Variants in REV3L observed in about 807,000 individuals in gnomAD.
REV3L encodes the protein DNA polymerase zeta catalytic subunit.
In REV3L, 69 loss-of-function variants were observed where a neutral mutation model predicts 299.4. That is an observed-to-expected ratio of 0.23 (90% CI 0.19 to 0.28). The LOEUF (loss-of-function observed/expected upper bound fraction) is 0.28. Among genes scored for constraint, REV3L ranks in the 10% least tolerant of loss-of-function variants. REV3L has a pLI of 1.00. For synonymous variants in REV3L, 1,238 were observed against 1,271.4 expected, an observed-to-expected ratio of 0.97 and a Z score of 0.56; for missense variants, 3,128 against 3,693.8, an observed-to-expected ratio of 0.85 and a Z score of 3.97.
chr6:111,311,043 T>C (rs1172676554), intron 29 of REV3L, 26 bp downstream of exon 29: 1 of 1,577,952 alleles, frequency 6.3e-7, no homozygotes, highest in Non-Finnish European at 8.6e-7. Flanking sequence ...AGGACTATCC[T>C]GGCAAGGTAC....
At chr6:111,435,505 G>T (rs1787447131) in intron 1 of REV3L, among the ~76,000 whole-genome samples, 1 of 152,034 alleles carries the variant, frequency 6.6e-6, no homozygotes, top group African/African-American at 2.4e-5. Context: ...TATAAATCCA[G>T]ACATTAACAG....
chr6:111,374,928 C>A lies in REV3L; in HGVS notation c.3427G>T (p.Ala1143Ser), dbSNP rs545698980. ...TTAAAAAGCATTGCCTCTTTTTCTGCAGCAGCCATGATTTCTTCAGCTCTT... is the reference window on the plus strand; with the variant it reads ...TTAAAAAGCATTGCCTCTTTTTCTGAAGCAGCCATGATTTCTTCAGCTCTT... Reference protein sequence around the residue: ...DPRAEEIMAAAEKEAMLFKGP... With the variant: ...DPRAEEIMAASEKEAMLFKGP... Residue 1143 changes from alanine to serine, a missense_variant, in exon 13 of 32, where the codon GCA (alanine) becomes TCA (serine). Physicochemically the swap from Ala to Ser is moderately conservative, Grantham distance 99. Coordinates refer to ENST00000368802, the MANE Select transcript of REV3L (RefSeq NM_001372078.1). The A allele has an allele frequency of 6.2e-7, 1 of 1,612,568 alleles. No homozygotes were observed. The highest frequency in any genetic ancestry group is 1.7e-5 in the Admixed American group (1 of 59,690).
chr6:111,462,957 G>A (rs1001698924), intron 1 of REV3L, among the ~76,000 whole-genome samples: 3 of 151,750 alleles, frequency 2.0e-5, no homozygotes, highest in East Asian at 1.9e-4. Context: ...ATTGCAATTC[G>A]GGGGCTAGTA....
intron 1 of REV3L, among the ~76,000 whole-genome samples, chr6:111,451,639 A>T (rs2128317084): frequency 6.6e-6 from 1 of 152,228 alleles, no homozygotes; most frequent in South Asian, 2.1e-4. Flanking sequence ...ACCGAAGGGA[A>T]TTTTTATAAA....
chr6:111,451,520 T>C (rs1350763449), intron 1 of REV3L, among the ~76,000 whole-genome samples: 3 of 152,108 alleles, frequency 2.0e-5, no homozygotes, highest in African/African-American at 7.2e-5. Flanking sequence ...CCTGGGCAGA[T>C]ACCAACTATA....
At chr6:111,332,793 T>A (rs1490572832) in intron 23 of REV3L, among the ~76,000 whole-genome samples, 1 of 152,234 alleles carries the variant, frequency 6.6e-6, no homozygotes, top group Non-Finnish European at 1.5e-5. Flanking sequence ...AAGATCATAA[T>A]CCTCAAACTG....
chr6:111,362,298 T>G (rs1337375624), intron 16 of REV3L, among the ~76,000 whole-genome samples: 3 of 152,156 alleles, frequency 2.0e-5, no homozygotes, highest in Admixed American at 6.5e-5. Flanking sequence ...AATTCTCAGT[T>G]CAAATGTGAA....
At chr6:111,467,630 C>T (rs1335589969) in intron 1 of REV3L, among the ~76,000 whole-genome samples, 1 of 152,134 alleles carries the variant, frequency 6.6e-6, no homozygotes, top group South Asian at 2.1e-4. Context: ...GTTATTACTA[C>T]CTTAAATAAT....
intron 31 of REV3L, among the ~76,000 whole-genome samples, chr6:111,302,860 C>G (rs1234999629): frequency 6.6e-6 from 1 of 152,140 alleles, no homozygotes; most frequent in African/African-American, 2.4e-5. Context: ...CAAGATTGCA[C>G]CAACTACACT....
chr6:111,437,311 T>C (rs752979766), intron 1 of REV3L, among the ~76,000 whole-genome samples: 1 of 152,132 alleles, frequency 6.6e-6, no homozygotes, highest in Non-Finnish European at 1.5e-5. Flanking sequence ...GCATTATTCA[T>C]AATGGTCAAA....
chr6:111,432,445 AAAAGAAAC>A (rs1325393579), intron 1 of REV3L, among the ~76,000 whole-genome samples: 4 of 152,236 alleles, frequency 2.6e-5, no homozygotes, highest in African/African-American at 9.6e-5. Context: ...CAAGACTGTA[AAAAGAAAC>A]AAAGAGGGTC....
intron 1 of REV3L, among the ~76,000 whole-genome samples, chr6:111,456,101 ATACTC>A (rs1338769933): frequency 2.0e-5 from 3 of 152,196 alleles, no homozygotes; most frequent in African/African-American, 7.2e-5. Context: ...TTTGTGTAGT[ATACTC>A]TATGATGTTC....
intron 11 of REV3L, among the ~76,000 whole-genome samples, 196 bp downstream of exon 11, chr6:111,379,786 A>G (rs1780644320): frequency 6.6e-6 from 1 of 152,218 alleles, no homozygotes; most frequent in African/African-American, 2.4e-5. Context: ...TAATCTTTTA[A>G]AATGTAGCAA....
At chr6:111,341,759 G>T (rs575348647) in intron 21 of REV3L, among the ~76,000 whole-genome samples, 1 of 151,752 alleles carries the variant, frequency 6.6e-6, no homozygotes, top group Non-Finnish European at 1.5e-5. Flanking sequence ...CAGGAGTTGG[G>T]GGGGGTCAGA....
chr6:111,436,067 TA>T (rs1192057300), intron 1 of REV3L, among the ~76,000 whole-genome samples: 1 of 152,204 alleles, frequency 6.6e-6, no homozygotes, highest in Admixed American at 6.5e-5. Flanking sequence ...TCAACATCAC[TA>T]ACCATCAGAG....
Position 111,431,244 on chromosome 6 carries a change from G to T in REV3L, c.140-14772C>A, listed in dbSNP as rs1582967033. On this transcript the variant is annotated intron_variant, in intron 1 of 31. Transcript: ENST00000368802. ...TTTTAACAAAAGGAGGGCATTCCAG[G>T]ACCCTACAAGAGATTTAGATGTCAC... 2.6e-6 allele frequency: 4 copies of T among 1,534,984 alleles called. No homozygotes were observed. In the African/African-American group the frequency reaches 4.1e-5, roughly 16 times the overall value.
At chr6:111,411,013 G>GA (rs1784185430) in intron 3 of REV3L, among the ~76,000 whole-genome samples, 1 of 151,882 alleles carries the variant, frequency 6.6e-6, no homozygotes, top group Non-Finnish European at 1.5e-5. Context: ...ACTGAGGGAA[G>GA]AAAAAACAAC....
In REV3L at chr6:111,387,795, C is replaced by T; in HGVS notation, c.1066G>A (p.Glu356Lys). The change falls in exon 9 of 32, where the codon GAA becomes AAA. Residue 356 changes from glutamate to lysine, a missense_variant. By Grantham distance (56) the Glu-to-Lys change is moderately conservative. Around this residue, in one of 9 missense-constraint regions of REV3L, gnomAD observed 2,409 missense variants for 2,611.8 expected, o/e 0.92. Coordinates refer to ENST00000368802, the MANE Select transcript of REV3L (RefSeq NM_001372078.1). ...CTTGACTCTTTGTCTTTGTGAACTT[C>T]TACCATATTGGCTGGTGTACACTGA... ...MLQCTPANMV[E>K]VHKDKESSKG... 6.2e-7 allele frequency: 1 copy of T among 1,613,998 alleles called. No homozygotes were observed. The highest frequency in any genetic ancestry group is 8.5e-7 in the Non-Finnish European group (1 of 1,179,934).
intron 4 of REV3L, among the ~76,000 whole-genome samples, chr6:111,399,088 T>C (rs1173194953): frequency 6.6e-6 from 1 of 152,224 alleles, no homozygotes; most frequent in African/African-American, 2.4e-5. Context: ...AAATGGTTTC[T>C]GTATATTTGC....
Sources: allele counts gnomAD v4.1 joint callset (sites outside exome capture counted in the v4.1 genomes callset), GRCh38; gene constraint gnomAD v4.1.1; regional missense constraint gnomAD v4.1.1; transcripts MANE v1.5; gene names NCBI Gene and HGNC (gene_info 2026-07-23, HGNC 2026-07-21).